The following ABCA1 variants were observed in gnomAD, a reference collection of about 807,000 sequenced individuals.
ABCA1 encodes the protein ATP binding cassette subfamily A member 1.
Under a neutral mutation model 262.5 loss-of-function variants are expected in ABCA1, and 133 were observed. The ratio of observed to expected loss-of-function variants is 0.51; its 90% CI spans 0.44 to 0.59. The LOEUF (loss-of-function observed/expected upper bound fraction) is 0.59, where lower values mean the gene tolerates loss of function less well. Ranked by LOEUF, ABCA1 falls within the 20% of genes least tolerant of loss-of-function variation. ABCA1 has a pLI of 0.00. For missense variants in ABCA1, 2,452 were observed against 2,777.5 expected (o/e 0.88, Z 2.63); for synonymous variants, 1,022 against 1,043.5 (o/e 0.98, Z 0.40).
intron 5 of ABCA1, among the ~76,000 whole-genome samples, chr9:104,871,882 A>C (rs1205404531): frequency 6.6e-6 from 1 of 152,164 alleles, no homozygotes; most frequent in Non-Finnish European, 1.5e-5. Context: ...GGGACCAGAC[A>C]CTTCAAACAC....
intron 5 of ABCA1, among the ~76,000 whole-genome samples, chr9:104,881,233 C>T (rs1450070414): frequency 6.6e-6 from 1 of 152,200 alleles, no homozygotes; most frequent in Non-Finnish European, 1.5e-5. Context: ...TGCTTGACAA[C>T]TTACCCCCAT....
At chr9:104,824,652 T>C (rs1832667645) in intron 17 of ABCA1, 74 bp from the exon 18 acceptor site, 8 of 1,539,178 alleles carry the variant, frequency 5.2e-6, no homozygotes, top group Non-Finnish European at 7.1e-6. Context: ...GCCAGGTCCA[T>C]TTCCTCCTTG....
At chr9:104,823,562 C>A (rs1011698181) in intron 18 of ABCA1, among the ~76,000 whole-genome samples, 1 of 152,054 alleles carries the variant, frequency 6.6e-6, no homozygotes, top group African/African-American at 2.4e-5. Context: ...AAGTTCAGGG[C>A]AGAGAGTGAC....
At chr9:104,825,285 C>T (rs1832722269) in intron 17 of ABCA1, among the ~76,000 whole-genome samples, 2 of 152,112 alleles carry the variant, frequency 1.3e-5, no homozygotes, top group African/African-American at 4.8e-5. Flanking sequence ...GCTTATTGAC[C>T]CAGTGTAACC....
intron 1 of ABCA1, among the ~76,000 whole-genome samples, chr9:104,917,611 G>A (rs957249839): frequency 5.9e-5 from 9 of 151,980 alleles, no homozygotes; most frequent in African/African-American, 1.5e-4. Context: ...AAAATTAGCC[G>A]GGTGTGGTGG....
At chr9:104,888,497 C>G (rs1839416373) in intron 3 of ABCA1, among the ~76,000 whole-genome samples, 1 of 152,130 alleles carries the variant, frequency 6.6e-6, no homozygotes, top group African/African-American at 2.4e-5. Context: ...ATCACTTGTC[C>G]AAGGTCATAT....
chr9:104,866,640 C>T (rs1837120655), intron 5 of ABCA1, among the ~76,000 whole-genome samples: 1 of 152,172 alleles, frequency 6.6e-6, no homozygotes, highest in African/African-American at 2.4e-5. Context: ...CGCCATCACG[C>T]CCAGCTATTA....
At chr9:104,787,812 G>A in intron 46 of ABCA1, 108 bp downstream of exon 46, 1 of 1,610,470 alleles carries the variant, frequency 6.2e-7, no homozygotes, top group Non-Finnish European at 8.5e-7. Context: ...GCTGTCCCTG[G>A]GGGAAGACAA....
Position 104,791,048 on chromosome 9 carries a change from T to C in ABCA1, c.5821-20A>G. On this transcript the variant is annotated intron_variant, in intron 43 of 49. Coordinates refer to ENST00000374736, the MANE Select transcript of ABCA1 (RefSeq NM_005502.4). ...AAAGCACTGAAAAGGAAAGATTAAG[T>C]TGTATAAGCAAACTCTAAAAACATG... The C allele has an allele frequency of 6.3e-7, 1 of 1,576,910 alleles. No individual in the cohort carries two copies.
chr9:104,831,668 G>A lies in ABCA1; in HGVS notation c.1669C>T (p.Arg557Ter), dbSNP rs1238816267. 8.1e-6 allele frequency: 13 copies of A among 1,613,996 alleles called. No individual in the cohort carries two copies. Among genetic ancestry groups the A allele is most frequent in the Non-Finnish European group, 9.3e-6 (11 of 1,180,038 alleles). The change falls in exon 13 of 50, where the codon CGA (arginine) becomes TGA (stop). Residue 557 changes from arginine (R) to a stop codon, truncating the protein, a stop_gained. Transcript: ENST00000374736. LOFTEE classifies it high-confidence loss of function. Reference sequence around the variant, plus strand: ...CTCTCCACATTGTCAATGTCCATTCGGATCTTGTACTTGACATGATGGGGC... The same window carrying A: ...CTCTCCACATTGTCAATGTCCATTCAGATCTTGTACTTGACATGATGGGGC... ...ELPHHVKYKI[R>*]MDIDNVERTN...
intron 1 of ABCA1, among the ~76,000 whole-genome samples, chr9:104,906,544 G>C (rs2575879): frequency 0.63 from 94,856 of 151,688 alleles, 30,605 homozygotes; most frequent in East Asian, 0.82. Flanking sequence ...CAAGCTTCCT[G>C]CTCCAATTCC....
Position 104,858,680 on chromosome 9 carries a change from G to T in ABCA1, c.562C>A (p.Gln188Lys), listed in dbSNP as rs201447364. Reference protein sequence around the residue: ...ILHKVFLQGYQLHLTSLCNGS... With the variant: ...ILHKVFLQGYKLHLTSLCNGS... ...TTGCACAGACTTGTCAAATGTAACT[G>T]GTAGCCTTGCAAAAATACCTGGAAG... Residue 188 changes from glutamine to lysine, a missense_variant, in exon 7 of 50, where the codon CAG (glutamine) becomes AAG (lysine). Around this residue, in one of 4 missense-constraint regions of ABCA1, gnomAD observed 1,032 missense variants for 1,089.7 expected, o/e 0.95. Coordinates refer to ENST00000374736, the MANE Select transcript of ABCA1 (RefSeq NM_005502.4). The T allele has an allele frequency of 2.3e-5, 37 of 1,613,948 alleles. No individual in the cohort carries two copies. The East Asian group carries it at 6.0e-4, about 26-fold the overall frequency.
intron 1 of ABCA1, among the ~76,000 whole-genome samples, chr9:104,908,998 T>C (rs1788485862): frequency 6.6e-6 from 1 of 152,174 alleles, no homozygotes; most frequent in Non-Finnish European, 1.5e-5. Context: ...AAATTACACA[T>C]CAATAAATCT....
Position 104,809,466 on chromosome 9 carries a change from G to A in ABCA1, c.4274C>T (p.Pro1425Leu), listed in dbSNP as rs755825383. 18 of 1,613,978 alleles carry A rather than the reference G, an allele frequency of 1.1e-5. No homozygotes were observed. The highest frequency in any genetic ancestry group is 5.0e-5 in the Admixed American group (3 of 59,994). ...GTRCMEGNPI[P>L]DTPCQAGEEE... ...TGCTTATGGCTAAAGTGGCACTCAC[G>A]GGATTGGGTTTCCTTCCATACAGCG... The change falls in exon 30 of 50, where the codon CCA becomes CTA. Residue 1425 changes from proline (P) to leucine (L), a missense_variant and splice_region_variant. By Grantham distance (98) the Pro-to-Leu change is moderately conservative. Around this residue, in one of 4 missense-constraint regions of ABCA1, gnomAD observed 665 missense variants for 727.3 expected, o/e 0.91. Transcript: ENST00000374736.
At chr9:104,798,641 C>T in intron 36 of ABCA1, 43 bp from the exon 37 acceptor site, 2 of 1,566,440 alleles carry the variant, frequency 1.3e-6, no homozygotes, top group Non-Finnish European at 1.7e-6. Flanking sequence ...GTCTTTGATG[C>T]AGTTAGGGCT....
chr9:104,789,248 C>T (rs10116972), intron 44 of ABCA1, among the ~76,000 whole-genome samples: 14,881 of 152,236 alleles, frequency 0.098, 1,825 homozygotes, highest in African/African-American at 0.29. Flanking sequence ...GCCCTCACAG[C>T]TATACCAACC....
chr9:104,884,873 T>C (rs1839015203), intron 3 of ABCA1, among the ~76,000 whole-genome samples: 2 of 152,208 alleles, frequency 1.3e-5, no homozygotes, highest in African/African-American at 4.8e-5. Flanking sequence ...CAGCCTCAGC[T>C]CTCAGACATA....
At chr9:104,820,604 C>T (rs1210084569) in intron 20 of ABCA1, among the ~76,000 whole-genome samples, 1 of 152,214 alleles carries the variant, frequency 6.6e-6, no homozygotes, top group Non-Finnish European at 1.5e-5. Flanking sequence ...TCAGGTCTCT[C>T]TCTGCTCCAT....
chr9:104,836,336 A>G (rs550847164), intron 11 of ABCA1, among the ~76,000 whole-genome samples: 1 of 152,302 alleles, frequency 6.6e-6, no homozygotes, highest in African/African-American at 2.4e-5. Flanking sequence ...CTCCCTCACC[A>G]TGGAAACAGG....
Sources: allele counts gnomAD v4.1 joint callset (sites outside exome capture counted in the v4.1 genomes callset), GRCh38; gene constraint gnomAD v4.1.1; regional missense constraint gnomAD v4.1.1; transcripts MANE v1.5; gene names NCBI Gene and HGNC (gene_info 2026-07-23, HGNC 2026-07-21).